Variants in CAPN6 observed in about 807,000 individuals in gnomAD.
The protein encoded by CAPN6 is calpain 6.
In CAPN6, 16 loss-of-function variants were observed where a neutral mutation model predicts 46.0. That is an observed-to-expected ratio of 0.35 (90% CI 0.24 to 0.53). The LOEUF is 0.53. Ranked by LOEUF, CAPN6 falls within the 20% of genes least tolerant of loss-of-function variation. The pLI is 0.94. For missense variants in CAPN6, 461 were observed against 498.0 expected (o/e 0.93, Z 0.71); for synonymous variants, 206 against 172.8 (o/e 1.19, Z -1.51).
chrX:111,258,839 C>T (rs1161868945), intron 2 of CAPN6, among the ~76,000 whole-genome samples: 1 of 111,978 alleles, frequency 8.9e-6, no homozygotes, highest in East Asian at 2.8e-4. Flanking sequence ...ATTTATATAT[C>T]TATGCAACGG....
rs749267304 is a variant in CAPN6, at chrX:111,251,601, G to A, written c.841C>T (p.Arg281Cys). The change falls in exon 6 of 13, where the codon CGC becomes TGC. Residue 281 changes from arginine (R) to cysteine (C), a missense_variant. Coordinates refer to ENST00000324068, the MANE Select transcript of CAPN6 (RefSeq NM_014289.4). ...VFSAEKVYMV[R>C]LRNPLGRQEW... Reference sequence around the variant, plus strand: ...TGTCTTCCCAAGGGGTTTCTCAGGCGAACCATATACACCTTCTCAGCACTG... The same window carrying A: ...TGTCTTCCCAAGGGGTTTCTCAGGCAAACCATATACACCTTCTCAGCACTG... The A allele has an allele frequency of 7.4e-6, 9 of 1,209,920 alleles. No homozygotes were observed. Among genetic ancestry groups the A allele is most frequent in the South Asian group, 1.8e-5 (1 of 56,883 alleles).
rs765226420 is a variant in CAPN6 at position 111,246,556 on chromosome X, G to T, written c.*21C>A. The T allele has an allele frequency of 1.7e-6, 2 of 1,186,425 alleles. No individual in the cohort carries two copies. The highest frequency in any genetic ancestry group is 2.3e-6 in the Non-Finnish European group (2 of 875,966). On this transcript the variant is annotated 3_prime_UTR_variant, in exon 13 of 13. Transcript: ENST00000324068. ...AATAAAAGGGTGGCACGCTTTGTCA[G>T]GATTCTCTGGGATTGCAGATTTAGA...
Position 111,246,377 on chromosome X carries a change from C to A in CAPN6, c.*200G>T, listed in dbSNP as rs1603408033. On this transcript the variant is annotated 3_prime_UTR_variant, in exon 13 of 13. Transcript: ENST00000324068. ...AGATAGGACTGTCGCCTCCCCATGTCCAGCTGCTGGAGGTATATAGGTTAT... is the reference window on the plus strand; with the variant it reads ...AGATAGGACTGTCGCCTCCCCATGTACAGCTGCTGGAGGTATATAGGTTAT... The A allele has an allele frequency of 7.1e-6, 3 of 422,173 alleles. No individual in the cohort carries two copies. The East Asian group carries it at 1.2e-4, about 16-fold the overall frequency. 34.8% of individuals were successfully genotyped at this position (422,173 alleles called of 1,213,427 possible).
intron 2 of CAPN6, among the ~76,000 whole-genome samples, chrX:111,260,133 G>T (rs955710329): frequency 2.7e-5 from 3 of 112,344 alleles, no homozygotes; most frequent in Non-Finnish European, 5.6e-5. Context: ...CCTCTGGAGG[G>T]TATGGGCAGA....
intron 2 of CAPN6, among the ~76,000 whole-genome samples, chrX:111,258,332 A>T (rs1441418037): frequency 1.8e-5 from 2 of 112,111 alleles, no homozygotes; most frequent in Non-Finnish European, 3.8e-5. Context: ...ATCTAGCAGT[A>T]GTGAGGGGGT....
Position 111,263,854 on chromosome X carries a change from C to G in CAPN6, c.83G>C (p.Cys28Ser), listed in dbSNP as rs2094989880. 1.7e-6 allele frequency: 2 copies of G among 1,207,928 alleles called. No homozygotes were observed. The highest frequency in any genetic ancestry group is 1.1e-6 in the Non-Finnish European group (1 of 892,945). ...ATTCTCAGGCAGAAATGTTGGATCA[C>G]AGAAAAGTCTGCTGTCTTTGATGCA... ...QECIKDSRLFCDPTFLPENDS... is the reference protein window; with the variant it reads ...QECIKDSRLFSDPTFLPENDS... The change falls in exon 2 of 13, where the codon TGT becomes TCT. Residue 28 changes from cysteine to serine, a missense_variant. Transcript: ENST00000324068.
Position 111,253,034 on chromosome X carries a change from A to G in CAPN6, c.480T>C (p.Asn160=), listed in dbSNP as rs2094980998. The change falls in exon 4 of 13, where the codon AAT becomes AAC. Residue 160 remains asparagine, a synonymous_variant. Transcript: ENST00000324068. The stretch of plus-strand genomic sequence containing the variant: ...TTGCATAAGCTTTTTCCAGCAGAGC[A>G]TTCCAAAACTCATTCATGGAAGTGG... ...SFSTSMNEFW[N]ALLEKAYAKL... 3 of 1,209,354 alleles carry G rather than the reference A, an allele frequency of 2.5e-6. No individual in the cohort carries two copies. In the Admixed American group the frequency reaches 6.6e-5, roughly 26 times the overall value.
intron 2 of CAPN6, among the ~76,000 whole-genome samples, chrX:111,260,282 G>C (rs926690604): frequency 2.7e-5 from 3 of 111,983 alleles, no homozygotes; most frequent in African/African-American, 6.5e-5. Flanking sequence ...GGGCCGGGGG[G>C]GCGCCAAGGC....
intron 2 of CAPN6, among the ~76,000 whole-genome samples, chrX:111,255,666 T>C (rs2094983176): frequency 8.9e-6 from 1 of 112,111 alleles, no homozygotes; most frequent in Admixed American, 9.5e-5. Context: ...ATAATTCTCC[T>C]TGACGAAGGG....
At chrX:111,268,432 T>A (rs1360189524) in intron 1 of CAPN6, among the ~76,000 whole-genome samples, 1 of 112,429 alleles carries the variant, frequency 8.9e-6, no homozygotes, top group African/African-American at 3.2e-5. Context: ...AGAGTGTTAT[T>A]GGGAGAATGT....
intron 2 of CAPN6, among the ~76,000 whole-genome samples, chrX:111,260,276 C>CG (rs1204079154): frequency 6.2e-4 from 24 of 38,978 alleles, no homozygotes; most frequent in African/African-American, 1.8e-3. Context: ...GGCGGGGGGC[C>CG]GGGGGGGCGC....
At chrX:111,263,743 G>A in intron 2 of CAPN6, 29 bp downstream of exon 2, 2 of 1,168,730 alleles carry the variant, frequency 1.7e-6, no homozygotes, top group Non-Finnish European at 2.3e-6. Context: ...GGAGGTCAAG[G>A]AGACAGAATG....
In CAPN6 at chrX:111,246,609, C is replaced by T; in HGVS notation, c.1894G>A (p.Val632Ile). ...KVKQGHISFK[V>I]ISSDDLTEL ...TCAGTGAGATCATCGCTGGAAATAA[C>T]CTTGAAGCTGATGTGGCCTTGCTTG... The change falls in exon 13 of 13, where the codon GTT becomes ATT. Residue 632 changes from valine (V) to isoleucine (I), a missense_variant. By Grantham distance (29) the Val-to-Ile change is conservative. Coordinates refer to ENST00000324068, the MANE Select transcript of CAPN6 (RefSeq NM_014289.4). 8.3e-7 allele frequency: 1 copy of T among 1,211,106 alleles called. No homozygotes were observed.
intron 2 of CAPN6, among the ~76,000 whole-genome samples, chrX:111,257,646 A>G (rs776348315): frequency 8.9e-6 from 1 of 112,162 alleles, no homozygotes; most frequent in African/African-American, 3.2e-5. Context: ...TTTTGGACAC[A>G]CTGGATATCT....
chrX:111,258,123 G>A (rs766518604), intron 2 of CAPN6, among the ~76,000 whole-genome samples: 17 of 111,697 alleles, frequency 1.5e-4, no homozygotes, highest in Non-Finnish European at 3.0e-4. Context: ...TACAAGTCCT[G>A]TAGCCCTGCA....
intron 2 of CAPN6, among the ~76,000 whole-genome samples, chrX:111,257,094 C>G (rs191023681): frequency 3.6e-4 from 40 of 111,170 alleles, no homozygotes; most frequent in South Asian, 3.8e-4. Context: ...AGCAGGAGAC[C>G]TAGGCCTAAA....
rs773014204 is a variant in CAPN6, at chrX:111,263,882, C to T, written c.55G>A (p.Glu19Lys). ...KNQKYQELKQ[E>K]CIKDSRLFCD... The stretch of plus-strand genomic sequence containing the variant: ...AAAAGTCTGCTGTCTTTGATGCATT[C>T]CTGCTTCAGTTCCTGGTATTTCTGG... The change falls in exon 2 of 13, where the codon GAA (glutamate) becomes AAA (lysine). Residue 19 changes from glutamate (E) to lysine (K), a missense_variant. Transcript: ENST00000324068. The T allele has an allele frequency of 2.9e-5, 35 of 1,206,452 alleles. No homozygotes were observed. The highest frequency in any genetic ancestry group is 3.9e-5 in the Non-Finnish European group (35 of 892,171).
intron 3 of CAPN6, among the ~76,000 whole-genome samples, chrX:111,253,751 A>G (rs1200092479): frequency 8.9e-6 from 1 of 112,361 alleles, no homozygotes; most frequent in Non-Finnish European, 1.9e-5. Context: ...TTATTTTTTG[A>G]GGAAAATGTT....
At chrX:111,252,630 A>G in intron 4 of CAPN6, 131 bp from the exon 5 acceptor site, 1 of 503,280 alleles carries the variant, frequency 2.0e-6, no homozygotes, top group Non-Finnish European at 3.2e-6. Context: ...GAAATGAGAG[A>G]TGTTTTGAAA....
Sources: gnomAD v4.1 joint callset for allele counts (sites outside exome capture counted in the v4.1 genomes callset) on GRCh38, gnomAD v4.1.1 for gene constraint, MANE v1.5 for transcripts, NCBI Gene and HGNC (gene_info 2026-07-23, HGNC 2026-07-21) for gene names.